CLMP: variants seen among roughly 807,000 people sequenced by gnomAD.
CLMP encodes CXADR-like membrane protein.
CLMP carries 27 observed loss-of-function variants against 45.2 expected under a neutral mutation model. The ratio of observed to expected loss-of-function variants is 0.60; its 90% CI spans 0.44 to 0.82. The LOEUF is 0.82. Ranked by LOEUF, CLMP falls within the 40% of genes least tolerant of loss-of-function variation. The probability of loss-of-function intolerance (pLI) is 0.00; values close to 1 mark genes in which losing one functional copy is unlikely to be tolerated. For missense variants in CLMP, 403 were observed against 448.4 expected (o/e 0.90, Z 0.91); for synonymous variants, 167 against 171.4 (o/e 0.97, Z 0.20).
chr11:123,073,574 C>G lies in CLMP; in HGVS notation c.1022G>C (p.Arg341Thr). ...GTGGACTTTCTTTGGTTCAGAACCT[C>G]TCACCTCTGGCCCCACTAGGCTGTA... The part of the protein sequence containing the change: ...QAYSLVGPEV[R>T]GSEPKKVHHA... Residue 341 changes from arginine (R) to threonine (T), a missense_variant, in exon 7 of 7, where the codon AGA becomes ACA. By Grantham distance (71) the Arg-to-Thr change is moderately conservative (BLOSUM62 -1). Transcript: ENST00000448775. 6.2e-7 allele frequency: 1 copy of G among 1,614,232 alleles called. No individual in the cohort carries two copies. Among genetic ancestry groups the G allele is most frequent in the African/African-American group, 1.3e-5 (1 of 75,062 alleles).
chr11:123,126,077 C>T (rs1860890766), intron 1 of CLMP, among the ~76,000 whole-genome samples: 1 of 152,210 alleles, frequency 6.6e-6, no homozygotes, highest in Non-Finnish European at 1.5e-5. Context: ...CTTTTCCTCT[C>T]TTCCAAGGGG....
Position 123,195,091 on chromosome 11 carries a change from C to T in CLMP, c.-151G>A, listed in dbSNP as rs1861963914. 3.7e-6 allele frequency: 2 copies of T among 535,914 alleles called. No homozygotes were observed. The highest frequency in any genetic ancestry group is 7.9e-5 in the South Asian group (1 of 12,738). The allele number at this position is 535,914 out of a possible 1,614,324, so 33.2% of individuals were successfully genotyped here. On this transcript the variant is annotated 5_prime_UTR_variant, in exon 1 of 7. Transcript: ENST00000448775. ...CCATGTGCCGGGCGGGAGCCGGCCCCGCGCCCCGTGCCCCTGGGGGCAGAT... is the reference window on the plus strand; with the variant it reads ...CCATGTGCCGGGCGGGAGCCGGCCCTGCGCCCCGTGCCCCTGGGGGCAGAT...
chr11:123,193,101 T>A (rs575031578), intron 1 of CLMP: 1 of 152,346 alleles, frequency 6.6e-6, no homozygotes, highest in South Asian at 2.1e-4. Context: ...GGGTAAGCGC[T>A]TTGAGAATCT....
At position 123,185,589 on chromosome 11, in the gene CLMP, G is replaced by C. The variant is rs144593902; in HGVS notation, c.28+9324C>G. 5.6e-4 allele frequency among the ~76,000 whole-genome samples: 85 copies of C among 152,284 alleles called. 1 individual carries two copies. The highest frequency in any genetic ancestry group is 1.9e-3 in the African/African-American group (78 of 41,572). ...CCTGGGGATGGAGCGGAGGCAAGGC[G>C]GGAGCCGGCTGCCCTTCCCTATTGG... On this transcript the variant is annotated intron_variant, in intron 1 of 6. Coordinates refer to ENST00000448775, the MANE Select transcript of CLMP (RefSeq NM_024769.5).
chr11:123,185,052 C>T (rs868863832), intron 1 of CLMP, among the ~76,000 whole-genome samples: 1 of 152,066 alleles, frequency 6.6e-6, no homozygotes, highest in South Asian at 2.1e-4. Context: ...GTAGATGAGG[C>T]GGCGGATGGG....
At chr11:123,188,198 G>T (rs1235540684) in intron 1 of CLMP, among the ~76,000 whole-genome samples, 2 of 152,142 alleles carry the variant, frequency 1.3e-5, no homozygotes, top group Non-Finnish European at 2.9e-5. Flanking sequence ...TCTAGCAGGC[G>T]CACCCGCTCT....
chr11:123,105,017 A>T (rs1056100217), intron 1 of CLMP, among the ~76,000 whole-genome samples: 2 of 152,198 alleles, frequency 1.3e-5, no homozygotes. Flanking sequence ...CTGCCTCCTT[A>T]GGCACAGGCA....
At chr11:123,118,005 T>G (rs1311665606) in intron 1 of CLMP, among the ~76,000 whole-genome samples, 1 of 152,210 alleles carries the variant, frequency 6.6e-6, no homozygotes, top group East Asian at 1.9e-4. Flanking sequence ...GGAGAAATCT[T>G]TGGAATATAT....
intron 1 of CLMP, among the ~76,000 whole-genome samples, chr11:123,163,350 T>C (rs550934598): frequency 2.6e-5 from 4 of 152,248 alleles, no homozygotes; most frequent in Non-Finnish European, 5.9e-5. Context: ...AGCAGACACA[T>C]GTAGCATGGA....
At chr11:123,176,908 T>C (rs903591093) in intron 1 of CLMP, among the ~76,000 whole-genome samples, 5 of 152,146 alleles carry the variant, frequency 3.3e-5, no homozygotes, top group African/African-American at 9.7e-5. Flanking sequence ...CATTCACTTG[T>C]CCATTCAACA....
intron 6 of CLMP, among the ~76,000 whole-genome samples, chr11:123,074,156 A>G (rs1190484907): frequency 6.7e-6 from 1 of 149,806 alleles, no homozygotes. Context: ...TGTTTTATGT[A>G]TATACATATG....
At chr11:123,126,824 G>A (rs10892966) in intron 1 of CLMP, among the ~76,000 whole-genome samples, 29,985 of 151,676 alleles carry the variant, frequency 0.2, 3,031 homozygotes, top group Non-Finnish European at 0.22. Flanking sequence ...ACGAACCTGG[G>A]AGGCGGAGCT....
chr11:123,083,880 G>A, intron 3 of CLMP, 33 bp from the exon 4 acceptor site: 1 of 1,606,724 alleles, frequency 6.2e-7, no homozygotes, highest in Admixed American at 1.7e-5. Context: ...AAAGTGTAGT[G>A]ATTCAAAGAT....
intron 1 of CLMP, among the ~76,000 whole-genome samples, chr11:123,102,189 A>G (rs1860453780): frequency 6.6e-6 from 1 of 152,076 alleles, no homozygotes; most frequent in Non-Finnish European, 1.5e-5. Context: ...GTCTCTAAAA[A>G]AAAAAAATAA....
At position 123,137,147 on chromosome 11, in the gene CLMP, C is replaced by CTTTTTTTTTTTTTTTT. The variant is rs375816483; in HGVS notation, c.29-39211_29-39196dup. On this transcript the variant is annotated intron_variant, in intron 1 of 6. Coordinates refer to ENST00000448775, the MANE Select transcript of CLMP (RefSeq NM_024769.5). ...CAGACCTTTCTCTTTTTTTCTTTTT[C>CTTTTTTTTTTTTTTTT]TTTTTTTTTTTTTTTTTTTTTTTTG... Among the ~76,000 whole-genome samples, 141 of 82,470 alleles carry CTTTTTTTTTTTTTTTT rather than the reference C, an allele frequency of 1.7e-3. 1 individual carries two copies. The highest frequency in any genetic ancestry group is 2.1e-3 in the Non-Finnish European group (96 of 46,014). The allele number at this position is 82,470 out of a possible 152,430, so 54.1% of individuals were successfully genotyped here.
At chr11:123,116,824 A>G (rs181346211) in intron 1 of CLMP, among the ~76,000 whole-genome samples, 123 of 152,308 alleles carry the variant, frequency 8.1e-4, no homozygotes, top group African/African-American at 2.8e-3. Context: ...TCTTTTTCAT[A>G]CATATTTTGA....
intron 1 of CLMP, among the ~76,000 whole-genome samples, chr11:123,131,157 A>G (rs1421656560): frequency 1.3e-5 from 2 of 152,036 alleles, no homozygotes; most frequent in African/African-American, 4.8e-5. Context: ...TTCAAAAATA[A>G]TATCTGTCAT....
intron 1 of CLMP, among the ~76,000 whole-genome samples, chr11:123,184,909 G>GTGAACAGTCTT (rs1374870912): frequency 6.6e-6 from 1 of 152,192 alleles, no homozygotes; most frequent in Admixed American, 6.5e-5. Context: ...CCTGCTCACA[G>GTGAACAGTCTT]TCACCAGGAA....
intron 1 of CLMP, among the ~76,000 whole-genome samples, chr11:123,134,046 G>C (rs1304230036): frequency 6.6e-6 from 1 of 152,074 alleles, no homozygotes; most frequent in Non-Finnish European, 1.5e-5. Flanking sequence ...GATCACTTGA[G>C]GCCAGGAGTT....
Sources: gnomAD v4.1 joint callset for allele counts (sites outside exome capture counted in the v4.1 genomes callset) on GRCh38, gnomAD v4.1.1 for gene constraint, MANE v1.5 for transcripts, NCBI Gene and HGNC (gene_info 2026-07-23, HGNC 2026-07-21) for gene names.